DNAH8: variants seen among roughly 807,000 people sequenced by gnomAD.
DNAH8 encodes the protein dynein axonemal heavy chain 8.
DNAH8 carries 382 observed loss-of-function variants against 562.1 expected under a neutral mutation model. The ratio of observed to expected loss-of-function variants is 0.68; its 90% confidence interval spans 0.63 to 0.74. The LOEUF (loss-of-function observed/expected upper bound fraction) is 0.74. Among genes scored for constraint, DNAH8 ranks in the 30% least tolerant of loss-of-function variants. The probability of loss-of-function intolerance (pLI) is 0.00; values close to 1 mark genes in which losing one functional copy is unlikely to be tolerated. For synonymous variants in DNAH8, 1,881 were observed against 1,919.4 expected (o/e 0.98, Z 0.52); for missense variants, 5,203 against 5,620.4 (o/e 0.93, Z 2.37).
chr6:38,972,350 G>C (rs1242823397), intron 83 of DNAH8, among the ~76,000 whole-genome samples: 1 of 152,036 alleles, frequency 6.6e-6, no homozygotes, highest in Non-Finnish European at 1.5e-5. Context: ...GACTAGAGAG[G>C]GTTAATGGGC....
chr6:39,019,865 A>G (rs1490220204), intron 91 of DNAH8, among the ~76,000 whole-genome samples: 1 of 152,188 alleles, frequency 6.6e-6, no homozygotes, highest in Non-Finnish European at 1.5e-5. Context: ...GTGGTTGTCA[A>G]TGCAGCAGAA....
chr6:38,995,118 G>A (rs1765053815), intron 88 of DNAH8, among the ~76,000 whole-genome samples: 1 of 135,936 alleles, frequency 7.4e-6, no homozygotes, highest in Non-Finnish European at 1.6e-5. Context: ...CTCTATTGTT[G>A]TCAGAAATTG....
chr6:38,747,118 A>C (rs1765008243), intron 8 of DNAH8, among the ~76,000 whole-genome samples: 4 of 152,150 alleles, frequency 2.6e-5, no homozygotes, highest in Admixed American at 2.6e-4. Flanking sequence ...TTGTGTGCTT[A>C]CTATGTGCCA....
intron 19 of DNAH8, 117 bp downstream of exon 19, chr6:38,790,000 C>T: frequency 1.4e-6 from 1 of 709,524 alleles, no homozygotes. Flanking sequence ...CTTTCTAGTT[C>T]AATTTTATAG....
intron 66 of DNAH8, 138 bp downstream of exon 66, chr6:38,911,724 C>A: frequency 1.6e-6 from 1 of 638,010 alleles, no homozygotes; most frequent in Non-Finnish European, 2.7e-6. Flanking sequence ...AAAGGATGGC[C>A]TTGAGGGTAT....
chr6:38,754,259 G>C lies in DNAH8; in HGVS notation c.1408-1713G>C, dbSNP rs192538790. On this transcript the variant is annotated intron_variant, in intron 9 of 92. Transcript: ENST00000327475. ...TTCAGATGAAGGACGTTTTCCTGAA[G>C]GACCCATTTGATGCCATCCCTGAGC... Among the ~76,000 whole-genome samples the C allele has an allele frequency of 4.6e-5, 7 of 152,248 alleles. No homozygotes were observed. In the East Asian group the frequency reaches 1.3e-3, roughly 29 times the overall value.
At chr6:38,774,961 G>C (rs1767921719) in intron 12 of DNAH8, among the ~76,000 whole-genome samples, 1 of 152,196 alleles carries the variant, frequency 6.6e-6, no homozygotes, top group African/African-American at 2.4e-5. Flanking sequence ...CCTTCTGGGT[G>C]GCCATACACA....
At position 38,789,873 on chromosome 6, in the gene DNAH8, A is replaced by C. The variant is rs1769538131; in HGVS notation, c.2654A>C (p.Lys885Thr). ...PSVFVNLMTP[K>T]MKKVESVLRQ... ...GTGTTTGTCAATCTGATGACCCCAAAAATGAAAAAGGTTGGTATTGCTGAA... is the reference window on the plus strand; with the variant it reads ...GTGTTTGTCAATCTGATGACCCCAACAATGAAAAAGGTTGGTATTGCTGAA... Residue 885 changes from lysine to threonine, a missense_variant, in exon 19 of 93, where the codon AAA (lysine) becomes ACA (threonine). Lys to Thr is a moderately conservative substitution (Grantham distance 78). This residue lies in a region of DNAH8 where 2,176 missense variants were observed against 2,365.1 expected (regional missense o/e 0.92). Coordinates refer to ENST00000327475, the MANE Select transcript of DNAH8 (RefSeq NM_001206927.2). The C allele has an allele frequency of 6.2e-7, 1 of 1,611,376 alleles. No homozygotes were observed. Among genetic ancestry groups the C allele is most frequent in the South Asian group, 1.1e-5 (1 of 90,852 alleles).
intron 43 of DNAH8, among the ~76,000 whole-genome samples, chr6:38,861,949 G>GTTTTGTT (rs1554231780): frequency 1.5e-5 from 2 of 134,682 alleles, no homozygotes; most frequent in Non-Finnish European, 1.6e-5. Flanking sequence ...TGAAAACCAG[G>GTTTTGTT]TTTTTTTTTT....
chr6:38,791,492 G>GGAT (rs1368067173), intron 20 of DNAH8, 63 bp from the exon 21 acceptor site: 1 of 1,519,960 alleles, frequency 6.6e-7, no homozygotes, highest in Non-Finnish European at 8.8e-7. Flanking sequence ...AGCCTCTTTT[G>GGAT]GATGAAAACC....
rs1177422888 is a variant in DNAH8 at position 38,775,875 on chromosome 6, A to G, written c.1886A>G (p.Tyr629Cys). 6.2e-7 allele frequency: 1 copy of G among 1,612,638 alleles called. No homozygotes were observed. Among genetic ancestry groups the G allele is most frequent in the Non-Finnish European group, 8.5e-7 (1 of 1,178,910 alleles). ...NIYQGVKKKQYDILDPRRTEF... is the reference protein window; with the variant it reads ...NIYQGVKKKQCDILDPRRTEF... ...TACCAAGGGGTTAAGAAAAAGCAAT[A>G]TGACATTCTGGATCCAAGAAGGACA... is the stretch of plus-strand genomic sequence containing the variant. The change falls in exon 13 of 93, where the codon TAT (tyrosine) becomes TGT (cysteine). Residue 629 changes from tyrosine to cysteine, a missense_variant. By Grantham distance (194) the Tyr-to-Cys change is radical. This residue lies in a region of DNAH8 where 2,176 missense variants were observed against 2,365.1 expected (regional missense o/e 0.92). Transcript: ENST00000327475.
intron 88 of DNAH8, among the ~76,000 whole-genome samples, chr6:39,001,239 C>G (rs1652908989): frequency 6.6e-6 from 1 of 151,796 alleles, no homozygotes; most frequent in African/African-American, 2.4e-5. Flanking sequence ...TTCTACATGG[C>G]CATTTCTGCT....
chr6:38,821,800 G>A (rs1017292639), intron 26 of DNAH8, among the ~76,000 whole-genome samples: 3 of 152,138 alleles, frequency 2.0e-5, no homozygotes, highest in Non-Finnish European at 4.4e-5. Context: ...GGACTCAAAC[G>A]ATCTCCCCGC....
At chr6:39,017,157 A>G (rs1766622442) in intron 91 of DNAH8, among the ~76,000 whole-genome samples, 1 of 149,548 alleles carries the variant, frequency 6.7e-6, no homozygotes, top group Admixed American at 6.7e-5. Context: ...GGCCAGGGGA[A>G]CCTTTGTGCT....
intron 91 of DNAH8, among the ~76,000 whole-genome samples, chr6:39,018,295 A>G (rs1324290197): frequency 2.0e-5 from 3 of 152,174 alleles, no homozygotes; most frequent in Admixed American, 6.5e-5. Flanking sequence ...GCTGGGCTCC[A>G]TCACTGTGCT....
intron 82 of DNAH8, among the ~76,000 whole-genome samples, chr6:38,963,026 A>G (rs926309978): frequency 2.0e-5 from 3 of 152,204 alleles, no homozygotes; most frequent in Non-Finnish European, 2.9e-5. Context: ...GGTAGAGGGT[A>G]CACTGCTTGG....
chr6:38,822,585 T>C (rs1028505975), intron 26 of DNAH8, among the ~76,000 whole-genome samples: 2 of 152,178 alleles, frequency 1.3e-5, no homozygotes, highest in African/African-American at 4.8e-5. Flanking sequence ...ATCAGTGTCT[T>C]TCAGTTATCC....
At chr6:38,932,183 A>AACACACAC (rs70981599) in intron 76 of DNAH8, among the ~76,000 whole-genome samples, 190 bp downstream of exon 76, 8,480 of 139,732 alleles carry the variant, frequency 0.061, 292 homozygotes, top group African/African-American at 0.086. Context: ...TCCAGCCTGA[A>AACACACAC]ACACACACAC....
intron 19 of DNAH8, 98 bp downstream of exon 19, chr6:38,789,981 A>G: frequency 1.2e-6 from 1 of 867,814 alleles, no homozygotes; most frequent in Non-Finnish European, 1.8e-6. Flanking sequence ...TCTTCTTTAG[A>G]CCCTCCATCT....
Sources: allele counts gnomAD v4.1 joint callset (sites outside exome capture counted in the v4.1 genomes callset), GRCh38; gene constraint gnomAD v4.1.1; regional missense constraint gnomAD v4.1.1; transcripts MANE v1.5; gene names NCBI Gene and HGNC (gene_info 2026-07-23, HGNC 2026-07-21).